Variants in PCDHGA6 observed in about 807,000 individuals in gnomAD.
PCDHGA6 encodes the protein protocadherin gamma subfamily A, 6.
Under a neutral mutation model 60.6 loss-of-function variants are expected in PCDHGA6, and 41 were observed. The ratio of observed to expected loss-of-function variants is 0.68; its 90% CI spans 0.53 to 0.88. PCDHGA6 has a LOEUF of 0.88. PCDHGA6 is among the 40% of genes least tolerant of loss of function. The pLI, the probability that PCDHGA6 is intolerant of heterozygous loss-of-function variation, is 0.00. For missense variants in PCDHGA6, 1,312 were observed against 1,203.0 expected (o/e 1.09, Z -1.34); for synonymous variants, 594 against 524.4 (o/e 1.13, Z -1.81).
At chr5:141,398,612 T>G in intron 1 of PCDHGA6, 1 of 1,614,024 alleles carries the variant, frequency 6.2e-7, no homozygotes, top group Non-Finnish European at 8.5e-7. Flanking sequence ...GATGCAGATA[T>G]TGGCTTAAAC....
rs1248191692 is a variant in PCDHGA6, at chr5:141,419,519, G to T, written c.2424+43012G>T. The T allele has an allele frequency of 1.9e-6, 3 of 1,612,180 alleles. No homozygotes were observed. Among genetic ancestry groups the T allele is most frequent in the Non-Finnish European group, 1.7e-6 (2 of 1,179,504 alleles). ...TGTGAGCCTGCGCGTGTTGGTGGGC[G>T]ACCGTAACGACAACGCACCGCGGGT... On this transcript the variant is annotated intron_variant, in intron 1 of 3. Coordinates refer to ENST00000517434, the MANE Select transcript of PCDHGA6 (RefSeq NM_018919.3).
At chr5:141,394,662 T>C in intron 1 of PCDHGA6, 3 of 1,613,258 alleles carry the variant, frequency 1.9e-6, no homozygotes, top group African/African-American at 2.7e-5. Flanking sequence ...GCCGGGACTC[T>C]TCTCGGTGGG....
At chr5:141,391,452 C>T (rs1004301347) in intron 1 of PCDHGA6, 13 of 152,114 alleles carry the variant, frequency 8.5e-5, no homozygotes, top group African/African-American at 3.1e-4. Context: ...AGCTGGAACT[C>T]AGGCTCATGC....
rs143638501 is a variant in PCDHGA6, at chr5:141,486,817, T to C, written c.2425-7990T>C. On this transcript the variant is annotated intron_variant, in intron 1 of 3. Coordinates refer to ENST00000517434, the MANE Select transcript of PCDHGA6 (RefSeq NM_018919.3). This position sits in a 1 kb window ranked among gnomAD's most constrained non-coding sequence, Gnocchi z 5.0. ...GGGGCAACCCACCCCTTAGCAGCACTGTAACAGTTCGTCTATTTGTGCTGG... is the reference window on the plus strand; with the variant it reads ...GGGGCAACCCACCCCTTAGCAGCACCGTAACAGTTCGTCTATTTGTGCTGG... 153 of 1,614,220 alleles carry C rather than the reference T, an allele frequency of 9.5e-5. 1 individual carries two copies. In the African/African-American group the frequency reaches 1.4e-3, roughly 15 times the overall value.
At chr5:141,488,687 GA>G (rs1238909682) in intron 1 of PCDHGA6, among the ~76,000 whole-genome samples, 1 of 152,192 alleles carries the variant, frequency 6.6e-6, no homozygotes, top group East Asian at 1.9e-4. Flanking sequence ...GCCTCTCCCA[GA>G]AGGACAAGAT....
chr5:141,417,760 C>A, intron 1 of PCDHGA6: 1 of 1,438,808 alleles, frequency 7.0e-7, no homozygotes, highest in South Asian at 1.5e-5. Context: ...GCTCCGAGAC[C>A]CGGGACTCCT....
chr5:141,383,235 T>C (rs1205858909), intron 1 of PCDHGA6: 2 of 1,613,838 alleles, frequency 1.2e-6, no homozygotes, highest in Admixed American at 3.3e-5. Flanking sequence ...TGATGGAAGA[T>C]AAAATGAATC....
At chr5:141,471,508 G>A (rs1262338812) in intron 1 of PCDHGA6, 3 of 152,216 alleles carry the variant, frequency 2.0e-5, no homozygotes, top group African/African-American at 7.2e-5. Context: ...AAGAGAGGGA[G>A]TAAAAATAAC....
At chr5:141,464,676 T>A (rs1337677151) in intron 1 of PCDHGA6, among the ~76,000 whole-genome samples, 1 of 152,176 alleles carries the variant, frequency 6.6e-6, no homozygotes. Flanking sequence ...ATAATTTTAA[T>A]TAAAATTTCT....
At chr5:141,435,435 T>G (rs2097763289) in intron 1 of PCDHGA6, among the ~76,000 whole-genome samples, 1 of 152,212 alleles carries the variant, frequency 6.6e-6, no homozygotes. Context: ...TGTTATGCAT[T>G]TCATTAATAC....
chr5:141,437,355 A>C (rs2097877902), intron 1 of PCDHGA6, among the ~76,000 whole-genome samples: 1 of 152,238 alleles, frequency 6.6e-6, no homozygotes, highest in Non-Finnish European at 1.5e-5. Flanking sequence ...ATAGTACCTA[A>C]AATTGGAATG....
chr5:141,387,473 G>T (rs1032850562), intron 1 of PCDHGA6, among the ~76,000 whole-genome samples: 4 of 152,190 alleles, frequency 2.6e-5, no homozygotes, highest in Non-Finnish European at 4.4e-5. Context: ...CCTCAAAGTT[G>T]GGATGAAGGC....
intron 1 of PCDHGA6, among the ~76,000 whole-genome samples, chr5:141,472,071 A>G (rs1243864250): frequency 6.6e-6 from 1 of 152,200 alleles, no homozygotes. Context: ...GTCTGTGGTT[A>G]TATCAATGAG....
In PCDHGA6 at chr5:141,374,753, A is replaced by C; in HGVS notation, c.670A>C (p.Ser224Arg). 1 of 1,612,912 alleles carries C rather than the reference A, an allele frequency of 6.2e-7. No individual in the cohort carries two copies. The highest frequency in any genetic ancestry group is 1.7e-5 in the Admixed American group (1 of 59,792). The change falls in exon 1 of 4, where the codon AGC becomes CGC. Residue 224 changes from serine to arginine, a missense_variant. By Grantham distance (110) the Ser-to-Arg change is moderately radical (BLOSUM62 -1). Coordinates refer to ENST00000517434, the MANE Select transcript of PCDHGA6 (RefSeq NM_018919.3). The part of the protein sequence containing the change: ...AMDGGDPVRS[S>R]VAQILVTVLD... Reference sequence around the variant, plus strand: ...GGATGGCGGCGACCCTGTCCGCTCAAGCGTCGCCCAAATTCTGGTAACAGT... The same window carrying C: ...GGATGGCGGCGACCCTGTCCGCTCACGCGTCGCCCAAATTCTGGTAACAGT...
chr5:141,399,886 G>T, intron 1 of PCDHGA6: 1 of 1,612,706 alleles, frequency 6.2e-7, no homozygotes, highest in Non-Finnish European at 8.5e-7. Flanking sequence ...GGTGACCAAG[G>T]TAGTGGCCGT....
intron 1 of PCDHGA6, among the ~76,000 whole-genome samples, chr5:141,473,350 G>A (rs28461214): frequency 0.13 from 19,833 of 152,204 alleles, 1,410 homozygotes; most frequent in African/African-American, 0.17. Context: ...CAGTGAGGAT[G>A]CAAGTGGCCA....
chr5:141,495,005 C>CG (rs2099758180), intron 2 of PCDHGA6, 140 bp downstream of exon 2: 6 of 1,522,802 alleles, frequency 3.9e-6, no homozygotes, highest in Admixed American at 2.0e-5. Context: ...TCTTGGTGTG[C>CG]GGGGGGCTGG....
intron 1 of PCDHGA6, chr5:141,395,210 A>T (rs200048432): frequency 1.9e-6 from 3 of 1,613,418 alleles, no homozygotes; most frequent in Non-Finnish European, 2.5e-6. Context: ...ATTTTCATGA[A>T]TATAAGAATG....
At chr5:141,433,326 A>G in intron 1 of PCDHGA6, 1 of 726,596 alleles carries the variant, frequency 1.4e-6, no homozygotes. Context: ...CCGGTGTAAC[A>G]GGGACTACAG....
Sources: allele counts gnomAD v4.1 joint callset (sites outside exome capture counted in the v4.1 genomes callset), GRCh38; gene constraint gnomAD v4.1.1; non-coding constraint Gnocchi (gnomAD v3.1); transcripts MANE v1.5; gene names NCBI Gene and HGNC (gene_info 2026-07-23, HGNC 2026-07-21).